The following DROSHA variants were observed in gnomAD, a reference collection of about 807,000 sequenced individuals.
DROSHA encodes drosha ribonuclease III, also known as ribonuclease 3.
Under a neutral mutation model 181.9 loss-of-function variants are expected in DROSHA, and 56 were observed. The ratio of observed to expected loss-of-function variants is 0.31; its 90% CI spans 0.25 to 0.38. DROSHA has a LOEUF of 0.38. Ranked by LOEUF, DROSHA falls within the 10% of genes least tolerant of loss-of-function variation. DROSHA has a pLI of 1.00. For synonymous variants in DROSHA, 524 were observed against 591.2 expected (o/e 0.89, Z 1.65); for missense variants, 1,218 against 1,743.5 (o/e 0.70, Z 5.37).
rs1042097665 is a variant in DROSHA, at chr5:31,415,276, C to T, written c.3526-4389G>A. Among the ~76,000 whole-genome samples the T allele has an allele frequency of 4.6e-5, 7 of 152,082 alleles. No homozygotes were observed. In the East Asian group the frequency reaches 7.7e-4, roughly 17 times the overall value. On this transcript the variant is annotated intron_variant, in intron 30 of 35. Coordinates refer to ENST00000344624, the MANE Select transcript of DROSHA (RefSeq NM_001382508.1). Reference sequence around the variant, plus strand: ...ATTTTGAGGGCTTAATATAAGAACACGGGGTGAAAGCAGAATATACTATTG... The same window carrying T: ...ATTTTGAGGGCTTAATATAAGAACATGGGGTGAAAGCAGAATATACTATTG...
rs1751443938 is a variant in DROSHA, at chr5:31,484,324, A to G, written c.1996+557T>C. Among the ~76,000 whole-genome samples the G allele has an allele frequency of 5.2e-5, 7 of 134,116 alleles. No homozygotes were observed. The Admixed American group carries it at 5.7e-4, about 11-fold the overall frequency. 88.0% of individuals were successfully genotyped at this position (134,116 alleles called of 152,430 possible). A position where few individuals can be genotyped will look rare whatever the true frequency, so the allele number is the denominator to read the frequency against. ...GGGAAGCGGAGCTTGCAGTGAGCCG[A>G]GATTGCGCCACTGCAGTCCGCAGTC... On this transcript the variant is annotated intron_variant, in intron 15 of 35. Transcript: ENST00000344624.
intron 20 of DROSHA, among the ~76,000 whole-genome samples, chr5:31,452,564 G>A (rs1043530931): frequency 5.3e-5 from 8 of 152,122 alleles, no homozygotes; most frequent in Non-Finnish European, 1.0e-4. Context: ...GAACCTGGAG[G>A]ATGGACCCAG....
At chr5:31,485,744 A>C in intron 14 of DROSHA, among the ~76,000 whole-genome samples, 1 of 152,070 alleles carries the variant, frequency 6.6e-6, no homozygotes, top group East Asian at 1.9e-4. Context: ...AGAATGAAAC[A>C]GGTGCCAACT....
At position 31,472,059 on chromosome 5, in the gene DROSHA, A is replaced by G. The variant is rs1163110169; in HGVS notation, c.2241+4T>C. The G allele has an allele frequency of 1.2e-6, 2 of 1,613,028 alleles. No homozygotes were observed. The highest frequency in any genetic ancestry group is 2.2e-5 in the South Asian group (2 of 90,910). On this transcript the variant is annotated splice_donor_region_variant and intron_variant, in intron 17 of 35. Coordinates refer to ENST00000344624, the MANE Select transcript of DROSHA (RefSeq NM_001382508.1). ...CCTCTGAATATACAGACACCAGAAC[A>G]TACCGTCCCAGGGTTGGTAACAATC...
chr5:31,489,762 G>A (rs547456679), intron 13 of DROSHA, among the ~76,000 whole-genome samples: 79 of 152,308 alleles, frequency 5.2e-4, no homozygotes, highest in African/African-American at 1.8e-3. Context: ...AGGAGTCAGC[G>A]AGTCCACTGC....
At chr5:31,430,777 C>A (rs1310365580) in intron 26 of DROSHA, among the ~76,000 whole-genome samples, 1 of 152,178 alleles carries the variant, frequency 6.6e-6, no homozygotes, top group Non-Finnish European at 1.5e-5. Context: ...ATTAAACATT[C>A]TCTTCCCACT....
At chr5:31,406,277 G>A (rs187537882) in intron 34 of DROSHA, among the ~76,000 whole-genome samples, 198 of 152,172 alleles carry the variant, frequency 1.3e-3, no homozygotes, top group African/African-American at 4.4e-3. Context: ...GGAGGCTGAG[G>A]GGGGGTTGGG....
intron 25 of DROSHA, among the ~76,000 whole-genome samples, chr5:31,432,897 T>C (rs1744344194): frequency 6.6e-6 from 1 of 152,238 alleles, no homozygotes; most frequent in Non-Finnish European, 1.5e-5. Context: ...TGTGAAAGAA[T>C]ATTTTTTATG....
chr5:31,425,642 T>C (rs1176593522), intron 27 of DROSHA, among the ~76,000 whole-genome samples: 1 of 152,168 alleles, frequency 6.6e-6, no homozygotes, highest in Non-Finnish European at 1.5e-5. Context: ...GCTGCAGCAC[T>C]GACCTCTTAC....
At chr5:31,443,634 A>G (rs1284645287) in intron 23 of DROSHA, among the ~76,000 whole-genome samples, 1 of 152,160 alleles carries the variant, frequency 6.6e-6, no homozygotes, top group Non-Finnish European at 1.5e-5. Context: ...AGCATCATAA[A>G]AGTTAATTAT....
intron 3 of DROSHA, 35 bp from the exon 4 acceptor site, chr5:31,529,140 T>A (rs772728765): frequency 6.4e-7 from 1 of 1,556,496 alleles, no homozygotes; most frequent in Non-Finnish European, 8.7e-7. Context: ...GACATAAACA[T>A]GTTTCCCAAA....
intron 9 of DROSHA, among the ~76,000 whole-genome samples, chr5:31,510,311 G>A (rs1436896696): frequency 2.6e-5 from 4 of 152,232 alleles, no homozygotes; most frequent in East Asian, 3.9e-4. Flanking sequence ...ATATCAAGTA[G>A]GTGGTAGAGC....
intron 11 of DROSHA, among the ~76,000 whole-genome samples, chr5:31,502,922 T>C (rs1737468349): frequency 6.6e-6 from 1 of 152,056 alleles, no homozygotes; most frequent in African/African-American, 2.4e-5. Context: ...AGAATATAGA[T>C]GGACTCCTGG....
intron 6 of DROSHA, among the ~76,000 whole-genome samples, chr5:31,517,249 CTGT>C (rs1739365136): frequency 6.6e-6 from 1 of 152,212 alleles, no homozygotes; most frequent in South Asian, 2.1e-4. Context: ...TGTCCTCCCT[CTGT>C]CATATGCATT....
chr5:31,418,532 G>T (rs1370563280), intron 30 of DROSHA, among the ~76,000 whole-genome samples: 1 of 152,166 alleles, frequency 6.6e-6, no homozygotes. Flanking sequence ...GCCTCCCAAA[G>T]TGCTGGGATT....
rs182091456 is a variant in DROSHA, at chr5:31,421,392, A to G, written c.3420-15T>C. 6.6e-5 allele frequency: 105 copies of G among 1,588,072 alleles called. No individual in the cohort carries two copies. The African/African-American group carries it at 1.3e-3, about 19-fold the overall frequency. On this transcript the variant is annotated splice_polypyrimidine_tract_variant and intron_variant, in intron 29 of 35. Coordinates refer to ENST00000344624, the MANE Select transcript of DROSHA (RefSeq NM_001382508.1). Reference sequence around the variant, plus strand: ...GATTGTGGCCTCTGGAAAAAGAAACATCAAAGTAAAGAAATCAATAACCAT... The same window carrying G: ...GATTGTGGCCTCTGGAAAAAGAAACGTCAAAGTAAAGAAATCAATAACCAT...
At chr5:31,507,967 T>A (rs939660307) in intron 10 of DROSHA, among the ~76,000 whole-genome samples, 1 of 152,186 alleles carries the variant, frequency 6.6e-6, no homozygotes, top group Non-Finnish European at 1.5e-5. Flanking sequence ...TTAATTAATA[T>A]AGAATGTTAT....
chr5:31,507,034 G>T (rs548695062), intron 10 of DROSHA, among the ~76,000 whole-genome samples: 2 of 152,292 alleles, frequency 1.3e-5, no homozygotes, highest in East Asian at 3.9e-4. Flanking sequence ...AGACTAGAGG[G>T]CCAGGCGCAG....
chr5:31,417,404 G>A (rs1233649488), intron 30 of DROSHA, among the ~76,000 whole-genome samples: 1 of 152,142 alleles, frequency 6.6e-6, no homozygotes, highest in Non-Finnish European at 1.5e-5. Context: ...GTGCAGAAGA[G>A]GAATGTAATC....
Sources: gnomAD v4.1 joint callset for allele counts (sites outside exome capture counted in the v4.1 genomes callset) on GRCh38, gnomAD v4.1.1 for gene constraint, MANE v1.5 for transcripts, NCBI Gene and HGNC (gene_info 2026-07-23, HGNC 2026-07-21) for gene names.